The following USH2A variants were observed in gnomAD, a reference collection of about 807,000 sequenced individuals.
The protein encoded by USH2A is Usher syndrome 2A (autosomal recessive, mild).
USH2A carries 443 observed loss-of-function variants against 538.9 expected under a neutral mutation model. That is an observed-to-expected ratio of 0.82 (90% CI 0.76 to 0.89). The LOEUF (loss-of-function observed/expected upper bound fraction) is 0.89, where lower values mean the gene tolerates loss of function less well. Among genes scored for constraint, USH2A ranks in the 40% least tolerant of loss-of-function variants. USH2A has a pLI of 0.00. For synonymous variants in USH2A, 2,413 were observed against 2,273.5 expected (o/e 1.06, Z -1.75); for missense variants, 6,633 against 6,324.8 (o/e 1.05, Z -1.65).
At chr1:216,046,332 T>G in intron 32 of USH2A, 99 bp downstream of exon 32, 1 of 1,312,740 alleles carries the variant, frequency 7.6e-7, no homozygotes, top group Non-Finnish European at 1.1e-6. Context: ...TTGATTAAAT[T>G]TGCAGATATG....
chr1:215,730,003 C>T (rs983051276), intron 60 of USH2A, among the ~76,000 whole-genome samples: 4 of 152,114 alleles, frequency 2.6e-5, no homozygotes, highest in Admixed American at 6.6e-5. Context: ...CAGAGTATGA[C>T]CCCAAAATTC....
At chr1:216,416,235 A>G (rs2039574500) in intron 3 of USH2A, among the ~76,000 whole-genome samples, 2 of 152,264 alleles carry the variant, frequency 1.3e-5, no homozygotes, top group South Asian at 4.1e-4. Context: ...ACTGTTGTCC[A>G]ATATAAAGGA....
intron 16 of USH2A, among the ~76,000 whole-genome samples, chr1:216,205,857 T>C (rs1311169620): frequency 6.6e-6 from 1 of 152,202 alleles, no homozygotes; most frequent in Non-Finnish European, 1.5e-5. Context: ...TTTTTTTCAT[T>C]CTGTCTTTAG....
Position 216,323,556 on chromosome 1 carries a change from G to T in USH2A, c.1468C>A (p.His490Asn), listed in dbSNP as rs768869261. 6.2e-7 allele frequency: 1 copy of T among 1,613,564 alleles called. No individual in the cohort carries two copies. The highest frequency in any genetic ancestry group is 8.5e-7 in the Non-Finnish European group (1 of 1,179,774). ...VKATQIRFHFHGQYYTTETAV... is the reference protein window; with the variant it reads ...VKATQIRFHFNGQYYTTETAV... ...GTCTCAGTTGTATAGTACTGCCCAT[G>T]AAAATGAAACCTTATTTGCGTGGCT... The change falls in exon 8 of 72, where the codon CAT becomes AAT. Residue 490 changes from histidine to asparagine, a missense_variant. Transcript: ENST00000307340.
At chr1:215,815,205 G>C (rs1662824802) in intron 48 of USH2A, among the ~76,000 whole-genome samples, 1 of 151,844 alleles carries the variant, frequency 6.6e-6, no homozygotes, top group Non-Finnish European at 1.5e-5. Context: ...ATAAAAATAA[G>C]ACTTTGTTTA....
chr1:215,664,741 G>C (rs140487197), intron 64 of USH2A, among the ~76,000 whole-genome samples: 1 of 152,082 alleles, frequency 6.6e-6, no homozygotes, highest in African/African-American at 2.4e-5. Context: ...GCATAGGGTG[G>C]AGCCCTCATG....
At position 216,321,994 on chromosome 1, in the gene USH2A, A is replaced by G. The variant is rs2037623293; in HGVS notation, c.1551-18T>C. ...ACTGACATCTGCAAACATGAGCATC[A>G]CACACTCCTAAGGAACACCAACTCA... On this transcript the variant is annotated intron_variant, in intron 8 of 71. Transcript: ENST00000307340. The G allele has an allele frequency of 6.2e-7, 1 of 1,612,698 alleles. No individual in the cohort carries two copies. Among genetic ancestry groups the G allele is most frequent in the Non-Finnish European group, 8.5e-7 (1 of 1,178,804 alleles).
At chr1:215,730,596 TA>T (rs149720234) in intron 60 of USH2A, among the ~76,000 whole-genome samples, 1 of 152,324 alleles carries the variant, frequency 6.6e-6, no homozygotes, top group East Asian at 1.9e-4. Context: ...CATCAAAATG[TA>T]AAGGGTTATT....
At chr1:215,890,414 T>C (rs2102461800) in intron 40 of USH2A, among the ~76,000 whole-genome samples, 1 of 152,256 alleles carries the variant, frequency 6.6e-6, no homozygotes, top group Non-Finnish European at 1.5e-5. Flanking sequence ...GAGTACACTT[T>C]CACACAACAG....
At chr1:216,374,130 C>G (rs2038769684) in intron 3 of USH2A, among the ~76,000 whole-genome samples, 1 of 150,536 alleles carries the variant, frequency 6.6e-6, no homozygotes, top group African/African-American at 2.4e-5. Context: ...GGAGGGATAG[C>G]ATTGAGAGAT....
At chr1:216,411,225 T>C (rs2039484538) in intron 3 of USH2A, among the ~76,000 whole-genome samples, 2 of 152,160 alleles carry the variant, frequency 1.3e-5, no homozygotes, top group African/African-American at 4.8e-5. Context: ...AACATATTTC[T>C]TTTTATACAA....
Position 216,048,492 on chromosome 1 carries a change from A to T in USH2A, c.6163+42T>A, listed in dbSNP as rs2102526608. On this transcript the variant is annotated intron_variant, in intron 31 of 71. Coordinates refer to ENST00000307340, the MANE Select transcript of USH2A (RefSeq NM_206933.4). ...TAGCTCTTCTCCTATTTTATTATTC[A>T]TGACTGAAATGTGGAAGTCAAGACC... The T allele has an allele frequency of 1.9e-6, 3 of 1,568,156 alleles. No homozygotes were observed. In the East Asian group the frequency reaches 6.7e-5, roughly 35 times the overall value.
chr1:215,674,915 T>G lies in USH2A; in HGVS notation c.12996A>C (p.Ala4332=), dbSNP rs775675202. 5.6e-6 allele frequency: 9 copies of G among 1,613,994 alleles called. No individual in the cohort carries two copies. The Admixed American group carries it at 1.5e-4, about 27-fold the overall frequency. The stretch of plus-strand genomic sequence containing the variant: ...ATCCTCCACTCGTGCAGGCTTGGAG[T>G]GCATAGCTATAGGTGGAAAAAGGAA... ...ELLPFSTYSY[A]LQACTSGGCS... Residue 4332 remains alanine (A), a synonymous_variant, in exon 63 of 72, where the codon GCA becomes GCC. Coordinates refer to ENST00000307340, the MANE Select transcript of USH2A (RefSeq NM_206933.4).
chr1:215,708,534 A>G (rs1659246609), intron 61 of USH2A, among the ~76,000 whole-genome samples: 1 of 152,180 alleles, frequency 6.6e-6, no homozygotes, highest in African/African-American at 2.4e-5. Context: ...CAATTTTTCC[A>G]TGGAAGGGGG....
At chr1:216,092,156 A>T (rs1452926285) in intron 22 of USH2A, among the ~76,000 whole-genome samples, 1 of 152,200 alleles carries the variant, frequency 6.6e-6, no homozygotes, top group Non-Finnish European at 1.5e-5. Flanking sequence ...TCCTACCAAC[A>T]GTTATTGAGT....
At chr1:215,908,688 C>A (rs1665700252) in intron 38 of USH2A, among the ~76,000 whole-genome samples, 2 of 151,660 alleles carry the variant, frequency 1.3e-5, no homozygotes, top group African/African-American at 2.4e-5. Context: ...ACTATATATG[C>A]CAGTCAGTAT....
intron 11 of USH2A, among the ~76,000 whole-genome samples, chr1:216,254,552 C>A (rs2036224500): frequency 6.6e-6 from 1 of 152,168 alleles, no homozygotes; most frequent in Non-Finnish European, 1.5e-5. Context: ...AAAATGCCTG[C>A]AAATTTAGAG....
intron 38 of USH2A, among the ~76,000 whole-genome samples, chr1:215,908,151 T>C (rs1443516045): frequency 6.6e-6 from 1 of 151,964 alleles, no homozygotes; most frequent in East Asian, 1.9e-4. Flanking sequence ...CTAAGCAACG[T>C]CTCAATGAAT....
chr1:215,627,132 AC>A (rs1157037373), intron 71 of USH2A, among the ~76,000 whole-genome samples: 1 of 152,188 alleles, frequency 6.6e-6, no homozygotes, highest in Non-Finnish European at 1.5e-5. Context: ...GTGTTAGGGA[AC>A]CTGGGTCCAG....
Sources: allele counts gnomAD v4.1 joint callset (sites outside exome capture counted in the v4.1 genomes callset), GRCh38; gene constraint gnomAD v4.1.1; transcripts MANE v1.5; gene names NCBI Gene and HGNC (gene_info 2026-07-23, HGNC 2026-07-21).